Variants in ZNF521 observed in about 807,000 individuals in gnomAD.
ZNF521 encodes the protein zinc finger protein 521, also known as LYST-interacting protein 3.
ZNF521 carries 14 observed loss-of-function variants against 105.5 expected under a neutral mutation model. The observed-to-expected ratio is 0.13, with a 90% confidence interval of 0.09 to 0.21. The LOEUF (loss-of-function observed/expected upper bound fraction) is 0.21. Ranked by LOEUF, ZNF521 falls within the 10% of genes least tolerant of loss-of-function variation. The pLI is 1.00. For synonymous variants in ZNF521, 635 were observed against 606.0 expected (o/e 1.05, Z -0.70); for missense variants, 1,233 against 1,629.7 (o/e 0.76, Z 4.19).
chr18:25,341,153 AT>A (rs1165979392), intron 2 of ZNF521, among the ~76,000 whole-genome samples: 4 of 152,172 alleles, frequency 2.6e-5, no homozygotes, highest in Non-Finnish European at 5.9e-5. Context: ...AAGATCCATG[AT>A]TCAGTAAAAG....
At chr18:25,137,033 T>C (rs1490051464) in intron 5 of ZNF521, among the ~76,000 whole-genome samples, 3 of 152,154 alleles carry the variant, frequency 2.0e-5, no homozygotes, top group Non-Finnish European at 4.4e-5. Context: ...ACCCCCAGGA[T>C]GAGTCTCGCC....
intron 2 of ZNF521, among the ~76,000 whole-genome samples, chr18:25,332,467 T>C (rs902219594): frequency 1.3e-5 from 2 of 152,024 alleles, no homozygotes; most frequent in Admixed American, 6.6e-5. Context: ...GTCTAATAAA[T>C]TTTAAAATAC....
At chr18:25,145,592 G>A (rs2034927850) in intron 5 of ZNF521, among the ~76,000 whole-genome samples, 1 of 152,170 alleles carries the variant, frequency 6.6e-6, no homozygotes, top group Non-Finnish European at 1.5e-5. Flanking sequence ...GCTTGGGTCT[G>A]TCACTGAGCA....
At chr18:25,166,361 A>G (rs1298759620) in intron 5 of ZNF521, among the ~76,000 whole-genome samples, 1 of 152,200 alleles carries the variant, frequency 6.6e-6, no homozygotes, top group East Asian at 1.9e-4. Context: ...TAAATTTGAA[A>G]TTCACTAGAT....
chr18:25,168,262 T>C (rs1600111932), intron 5 of ZNF521, among the ~76,000 whole-genome samples: 1 of 152,172 alleles, frequency 6.6e-6, no homozygotes, highest in Non-Finnish European at 1.5e-5. Context: ...TAGCGGCTCC[T>C]GAAAGCCCCA....
intron 4 of ZNF521, among the ~76,000 whole-genome samples, chr18:25,209,258 A>G (rs1277498193): frequency 6.6e-6 from 1 of 151,854 alleles, no homozygotes; most frequent in East Asian, 1.9e-4. Flanking sequence ...CAGCCTCCTG[A>G]GTAGCTGGGA....
intron 5 of ZNF521, among the ~76,000 whole-genome samples, chr18:25,139,338 A>G (rs1380092813): frequency 1.5e-5 from 2 of 132,494 alleles, no homozygotes; most frequent in East Asian, 4.8e-4. Context: ...ACACCACTGC[A>G]CTCTAGCCTG....
chr18:25,164,249 CGGAGTG>C (rs1247317865), intron 5 of ZNF521, among the ~76,000 whole-genome samples: 2 of 152,078 alleles, frequency 1.3e-5, no homozygotes, highest in East Asian at 3.9e-4. Flanking sequence ...GGGCTGTCCC[CGGAGTG>C]GGTTAACTTG....
At position 25,239,335 on chromosome 18, in the gene ZNF521, G is replaced by C. The variant is rs57467468; in HGVS notation, c.221-11638C>G. ...ATACAGTTCCAAGTACATAAAGCCT[G>C]GTATTACATGCTTAGGAAACATAGT... On this transcript the variant is annotated intron_variant, in intron 3 of 7. Transcript: ENST00000361524. 7.1e-3 allele frequency among the ~76,000 whole-genome samples: 1,074 copies of C among 152,262 alleles called. 8 individuals are homozygous for C. The highest frequency in any genetic ancestry group is 0.02 in the African/African-American group (818 of 41,546).
chr18:25,350,217 G>A (rs181817616), intron 2 of ZNF521, among the ~76,000 whole-genome samples: 66 of 152,300 alleles, frequency 4.3e-4, no homozygotes, highest in South Asian at 2.9e-3. Flanking sequence ...ACCCCACCGC[G>A]AAACGCAAAG....
At chr18:25,126,443 T>A (rs2034540723) in intron 5 of ZNF521, among the ~76,000 whole-genome samples, 1 of 152,160 alleles carries the variant, frequency 6.6e-6, no homozygotes, top group South Asian at 2.1e-4. Flanking sequence ...CAACATTCTG[T>A]TTTTCTATTC....
At chr18:25,311,479 CA>C (rs1912304124) in intron 3 of ZNF521, among the ~76,000 whole-genome samples, 1 of 151,724 alleles carries the variant, frequency 6.6e-6, no homozygotes, top group Non-Finnish European at 1.5e-5. Flanking sequence ...TATGTGCACA[CA>C]ACTGTATCCA....
In ZNF521 at chr18:25,092,093, AAC is replaced by A; in HGVS notation, c.3659-14_3659-13del. The A allele has an allele frequency of 1.2e-6, 2 of 1,613,622 alleles. No individual in the cohort carries two copies. Among genetic ancestry groups the A allele is most frequent in the Non-Finnish European group, 1.7e-6 (2 of 1,179,664 alleles). On this transcript the variant is annotated splice_polypyrimidine_tract_variant and intron_variant, in intron 5 of 7. Coordinates refer to ENST00000361524, the MANE Select transcript of ZNF521 (RefSeq NM_015461.3). The stretch of plus-strand genomic sequence containing the variant: ...GTTCAGTCCTTCATCTGTCAAGGAA[AAC>A]ACATGAAGAGAAATGATGAAAACCT...
intron 3 of ZNF521, among the ~76,000 whole-genome samples, chr18:25,253,028 A>C (rs1014051197): frequency 2.0e-5 from 3 of 152,194 alleles, no homozygotes; most frequent in African/African-American, 7.2e-5. Flanking sequence ...CTGAGAATAC[A>C]GGCACTTTTA....
intron 4 of ZNF521, among the ~76,000 whole-genome samples, chr18:25,214,694 T>A (rs767955521): frequency 2.6e-5 from 4 of 152,204 alleles, no homozygotes; most frequent in African/African-American, 9.6e-5. Context: ...TTTTCATTTA[T>A]AAATTACTTG....
At chr18:25,218,054 G>T (rs1411358697) in intron 4 of ZNF521, among the ~76,000 whole-genome samples, 4 of 152,132 alleles carry the variant, frequency 2.6e-5, no homozygotes, top group Non-Finnish European at 5.9e-5. Flanking sequence ...TCCAATTATA[G>T]AACAAGGAGA....
intron 2 of ZNF521, among the ~76,000 whole-genome samples, chr18:25,328,531 C>T (rs947447878): frequency 1.3e-5 from 2 of 151,544 alleles, no homozygotes; most frequent in Admixed American, 6.6e-5. Flanking sequence ...TCCATTATTC[C>T]TCCTTTATCT....
chr18:25,135,865 C>T (rs952955287), intron 5 of ZNF521, among the ~76,000 whole-genome samples: 4 of 152,050 alleles, frequency 2.6e-5, no homozygotes, highest in Non-Finnish European at 4.4e-5. Context: ...ACCCTTTATT[C>T]CTTGGTTGCT....
chr18:25,333,333 T>TAC (rs1568083988), intron 2 of ZNF521, among the ~76,000 whole-genome samples: 80 of 149,734 alleles, frequency 5.3e-4, no homozygotes, highest in Middle Eastern at 3.5e-3. Context: ...TATATATATA[T>TAC]ACACACATAT....
Sources: allele counts gnomAD v4.1 joint callset (sites outside exome capture counted in the v4.1 genomes callset), GRCh38; gene constraint gnomAD v4.1.1; transcripts MANE v1.5; gene names NCBI Gene and HGNC (gene_info 2026-07-23, HGNC 2026-07-21).